The following GABRB1 variants were observed in gnomAD, a reference collection of about 807,000 sequenced individuals.
GABRB1 encodes gamma-aminobutyric acid type A receptor subunit beta1.
GABRB1 carries 17 observed loss-of-function variants against 51.6 expected under a neutral mutation model. The ratio of observed to expected loss-of-function variants is 0.33; its 90% CI spans 0.23 to 0.49. The LOEUF (loss-of-function observed/expected upper bound fraction) is 0.49, where lower values mean the gene tolerates loss of function less well. GABRB1 is among the 20% of genes least tolerant of loss of function. The probability of loss-of-function intolerance (pLI) is 0.99; values close to 1 mark genes in which losing one functional copy is unlikely to be tolerated. For missense variants in GABRB1, 410 were observed against 600.6 expected (o/e 0.68, Z 3.32); for synonymous variants, 247 against 218.9 (o/e 1.13, Z -1.14).
At chr4:47,027,722 A>C (rs1449848881), upstream of GABRB1, among the ~76,000 whole-genome samples, 1 of 151,754 alleles carries the variant, frequency 6.6e-6, no homozygotes, top group Non-Finnish European at 1.5e-5. Context: ...TGCTATACTT[A>C]AGCTAGAAAA....
At chr4:47,199,542 A>G (rs1719817827) in intron 4 of GABRB1, among the ~76,000 whole-genome samples, 1 of 152,102 alleles carries the variant, frequency 6.6e-6, no homozygotes, top group South Asian at 2.1e-4. Context: ...TACCAGCAGC[A>G]ACGTTGTTGG....
At chr4:47,354,878 A>AC (rs1726493296) in intron 5 of GABRB1, among the ~76,000 whole-genome samples, 2 of 109,654 alleles carry the variant, frequency 1.8e-5, no homozygotes, top group South Asian at 6.0e-4. Context: ...TTATACCCTG[A>AC]CCCCCTGCTT....
chr4:47,057,556 G>T (rs982735380), intron 3 of GABRB1, among the ~76,000 whole-genome samples: 2 of 152,176 alleles, frequency 1.3e-5, no homozygotes, highest in Non-Finnish European at 2.9e-5. Context: ...TTTAAGTAGC[G>T]TATCCTGTGC....
chr4:47,403,751 A>G lies in GABRB1; in HGVS notation c.835+40A>G, dbSNP rs142045242. On this transcript the variant is annotated intron_variant, in intron 7 of 8. Coordinates refer to ENST00000295454, the MANE Select transcript of GABRB1 (RefSeq NM_000812.4). ...GCACTGCAGAGAGCTAACAGATTTT[A>G]CTTTCAAACAAATAACCAATATCAG... The G allele has an allele frequency of 3.1e-4, 491 of 1,589,684 alleles. No individual in the cohort carries two copies. In the Middle Eastern group the frequency reaches 4.4e-3, roughly 14 times the overall value.
Position 47,008,575 on chromosome 4 carries a change from G to C in GABRB1, c.-20+14649G>C, listed in dbSNP as rs554154980. On this transcript the variant is annotated intron_variant, in intron 1 of 3. Coordinates refer to the GABRB1 transcript ENST00000513567. ...CTTTCCAGGTTCAAGTGATTCTCCT[G>C]CCTCAGCCTCCCGGGTAGCTGGGAT... Among the ~76,000 whole-genome samples, 352 of 149,386 alleles carry C rather than the reference G, an allele frequency of 2.4e-3. 1 individual carries two copies. Among genetic ancestry groups the C allele is most frequent in the African/African-American group, 8.2e-3 (334 of 40,656 alleles).
intron 4 of GABRB1, among the ~76,000 whole-genome samples, chr4:47,163,356 A>G (rs1451366786): frequency 6.6e-6 from 1 of 152,052 alleles, no homozygotes; most frequent in Non-Finnish European, 1.5e-5. Flanking sequence ...ATAGTTTTCT[A>G]ACTCCCAGGG....
chr4:47,047,211 C>T (rs1726132894), intron 3 of GABRB1, among the ~76,000 whole-genome samples: 3 of 152,020 alleles, frequency 2.0e-5, no homozygotes, highest in African/African-American at 7.2e-5. Context: ...TAATCTGTAG[C>T]AGTAAGATTA....
At chr4:47,123,490 C>T (rs4331757) in intron 3 of GABRB1, among the ~76,000 whole-genome samples, 3,102 of 14,124 alleles carry the variant, frequency 0.22, 140 homozygotes, top group South Asian at 0.29. Flanking sequence ...TACATTATTT[C>T]ATATATTATA....
chr4:47,281,734 G>A (rs1723301295), intron 4 of GABRB1, among the ~76,000 whole-genome samples: 1 of 152,132 alleles, frequency 6.6e-6, no homozygotes, highest in Admixed American at 6.5e-5. Flanking sequence ...TCTGTTATTT[G>A]TAACAAATGG....
intron 4 of GABRB1, among the ~76,000 whole-genome samples, chr4:47,247,108 T>G (rs1469993476): frequency 1.3e-5 from 2 of 152,150 alleles, no homozygotes; most frequent in Non-Finnish European, 2.9e-5. Context: ...TGAGCCAGCA[T>G]CTGGAATGGT....
At chr4:47,414,074 C>T (rs960387216) in intron 8 of GABRB1, among the ~76,000 whole-genome samples, 23 of 152,182 alleles carry the variant, frequency 1.5e-4, no homozygotes, top group Admixed American at 2.0e-4. Flanking sequence ...AATGAAATGG[C>T]TGAAATGGTA....
intron 4 of GABRB1, among the ~76,000 whole-genome samples, chr4:47,290,262 T>C (rs1029454341): frequency 6.6e-6 from 1 of 152,194 alleles, no homozygotes; most frequent in African/African-American, 2.4e-5. Flanking sequence ...ATAGTAAGTC[T>C]CCTGAGATCT....
At chr4:47,373,562 C>T (rs1238022074) in intron 5 of GABRB1, among the ~76,000 whole-genome samples, 8 of 152,178 alleles carry the variant, frequency 5.3e-5, no homozygotes, top group African/African-American at 1.9e-4. Flanking sequence ...TCCAGCTCTG[C>T]TTCTTAATGT....
At chr4:47,247,657 G>C (rs1040693040) in intron 4 of GABRB1, among the ~76,000 whole-genome samples, 1 of 151,968 alleles carries the variant, frequency 6.6e-6, no homozygotes, top group African/African-American at 2.4e-5. Context: ...CCATGAGCAT[G>C]GGATGTGTTT....
chr4:47,279,990 A>C (rs1437779409), intron 4 of GABRB1, among the ~76,000 whole-genome samples: 6 of 151,992 alleles, frequency 3.9e-5, no homozygotes, highest in Non-Finnish European at 5.9e-5. Flanking sequence ...ATTTACATTG[A>C]AAGTAACAAT....
At chr4:47,108,368 G>C (rs751756831) in intron 3 of GABRB1, among the ~76,000 whole-genome samples, 9 of 152,052 alleles carry the variant, frequency 5.9e-5, no homozygotes, top group Non-Finnish European at 1.2e-4. Context: ...AAACCTTCCG[G>C]AGTATTCTGT....
intron 4 of GABRB1, among the ~76,000 whole-genome samples, chr4:47,196,043 T>C (rs990657899): frequency 8.5e-5 from 13 of 152,244 alleles, no homozygotes; most frequent in African/African-American, 2.9e-4. Context: ...TTAAGACTTT[T>C]AGAACAAAAT....
intron 5 of GABRB1, among the ~76,000 whole-genome samples, chr4:47,335,330 C>A (rs556924507): frequency 6.6e-6 from 1 of 152,078 alleles, no homozygotes; most frequent in South Asian, 2.1e-4. Flanking sequence ...TATTTTATAT[C>A]TTCCTCTTTG....
At chr4:47,398,558 A>G (rs1187612322) in intron 5 of GABRB1, among the ~76,000 whole-genome samples, 2 of 150,222 alleles carry the variant, frequency 1.3e-5, no homozygotes, top group Non-Finnish European at 3.0e-5. Context: ...TCATATATAT[A>G]GAGAGAGAGA....
Sources: allele counts gnomAD v4.1 joint callset (sites outside exome capture counted in the v4.1 genomes callset), GRCh38; gene constraint gnomAD v4.1.1; transcripts MANE v1.5; gene names NCBI Gene and HGNC (gene_info 2026-07-23, HGNC 2026-07-21).